The following SLC24A3 variants were observed in gnomAD, a reference collection of about 807,000 sequenced individuals.
SLC24A3 encodes sodium/potassium/calcium exchanger 3.
A neutral mutation model predicts 75.8 loss-of-function variants in SLC24A3; 28 were observed. That is an observed-to-expected ratio of 0.37 (90% confidence interval 0.27 to 0.51). The LOEUF is 0.51. Ranked by LOEUF, SLC24A3 falls within the 20% of genes least tolerant of loss-of-function variation. The pLI, the probability that SLC24A3 is intolerant of heterozygous loss-of-function variation, is 0.94. For missense variants in SLC24A3, 663 were observed against 847.8 expected (o/e 0.78, Z 2.71); for synonymous variants, 372 against 334.1 (o/e 1.11, Z -1.24).
chr20:19,299,679 C>G (rs1208063207), intron 2 of SLC24A3, among the ~76,000 whole-genome samples: 1 of 152,154 alleles, frequency 6.6e-6, no homozygotes, highest in Non-Finnish European at 1.5e-5. Context: ...GAGGAGACTC[C>G]ATTTGAGTCC....
At chr20:19,332,839 C>T (rs1170633777) in intron 2 of SLC24A3, among the ~76,000 whole-genome samples, 1 of 152,212 alleles carries the variant, frequency 6.6e-6, no homozygotes, top group African/African-American at 2.4e-5. Flanking sequence ...GTTCTCTTCT[C>T]TGCCTCTATC....
chr20:19,449,595 A>T lies in SLC24A3; in HGVS notation c.272-65893A>T, dbSNP rs530415308. On this transcript the variant is annotated intron_variant, in intron 2 of 16. Coordinates refer to ENST00000328041, the MANE Select transcript of SLC24A3 (RefSeq NM_020689.4). ...TATGGCTCTTGAGCTAGGGTCCTCCATCTTTTCCTCTCTTTGAGCTTGAAC... is the reference window on the plus strand; with the variant it reads ...TATGGCTCTTGAGCTAGGGTCCTCCTTCTTTTCCTCTCTTTGAGCTTGAAC... 3.3e-5 allele frequency among the ~76,000 whole-genome samples: 5 copies of T among 152,332 alleles called. No homozygotes were observed. The South Asian group carries it at 6.2e-4, about 19-fold the overall frequency.
intron 6 of SLC24A3, among the ~76,000 whole-genome samples, chr20:19,623,662 C>T (rs1328455479): frequency 6.6e-6 from 1 of 152,152 alleles, no homozygotes; most frequent in Admixed American, 6.5e-5. Context: ...TTAGTGGCTA[C>T]CATATTGGAC....
chr20:19,477,166 A>C (rs575923594), intron 2 of SLC24A3, among the ~76,000 whole-genome samples: 1 of 152,094 alleles, frequency 6.6e-6, no homozygotes, highest in Non-Finnish European at 1.5e-5. Context: ...TAATGGATCC[A>C]GCAGGTGGAA....
At chr20:19,540,288 C>G (rs2030472680) in intron 3 of SLC24A3, among the ~76,000 whole-genome samples, 1 of 152,136 alleles carries the variant, frequency 6.6e-6, no homozygotes, top group African/African-American at 2.4e-5. Flanking sequence ...GACTCCAGAA[C>G]TTGTGTTCTG....
Position 19,684,286 on chromosome 20 carries a change from T to C in SLC24A3, c.1012T>C (p.Phe338Leu), listed in dbSNP as rs1449992723. The part of the protein sequence containing the change: ...AGLRIMITSH[F>L]PPKTRLSMAS... ...CCTTCGAATCATGATAACCAGCCAC[T>C]TTCCCCCCAAGACCCGGCTCTCCAT... The change falls in exon 11 of 17, where the codon TTT (phenylalanine) becomes CTT (leucine). Residue 338 changes from phenylalanine (F) to leucine (L), a missense_variant. By Grantham distance (22) the Phe-to-Leu change is conservative. Coordinates refer to ENST00000328041, the MANE Select transcript of SLC24A3 (RefSeq NM_020689.4). The C allele has an allele frequency of 6.2e-7, 1 of 1,613,976 alleles. No individual in the cohort carries two copies. The highest frequency in any genetic ancestry group is 8.5e-7 in the Non-Finnish European group (1 of 1,180,032).
At chr20:19,391,352 G>A (rs1348067384) in intron 2 of SLC24A3, among the ~76,000 whole-genome samples, 3 of 152,198 alleles carry the variant, frequency 2.0e-5, no homozygotes, top group Non-Finnish European at 4.4e-5. Context: ...GTCCCTGAGT[G>A]TGAGTCTAGA....
chr20:19,298,309 C>A (rs1221756968), intron 2 of SLC24A3, among the ~76,000 whole-genome samples: 1 of 152,236 alleles, frequency 6.6e-6, no homozygotes, highest in East Asian at 1.9e-4. Context: ...CAGAACACTT[C>A]ATTGGTGTGG....
chr20:19,656,763 A>G (rs1419293962), intron 7 of SLC24A3, among the ~76,000 whole-genome samples: 1 of 152,232 alleles, frequency 6.6e-6, no homozygotes, highest in Non-Finnish European at 1.5e-5. Flanking sequence ...CTGGGAGCAC[A>G]GACTTAACCA....
In SLC24A3 at chr20:19,409,849, A is replaced by G. The variant is rs374845375; in HGVS notation, c.272-105639A>G. ...ATATATAATATGTGTGTGTGTGTGT[A>G]TATATATATATATATATGTATTCAA... On this transcript the variant is annotated intron_variant, in intron 2 of 16. Coordinates refer to ENST00000328041, the MANE Select transcript of SLC24A3 (RefSeq NM_020689.4). 4.6e-3 allele frequency among the ~76,000 whole-genome samples: 651 copies of G among 141,214 alleles called. 2 individuals are homozygous for G. Among genetic ancestry groups the G allele is most frequent in the African/African-American group, 0.01 (356 of 34,626 alleles). The allele number at this position is 141,214 out of a possible 152,430, so 92.6% of individuals were successfully genotyped here. A position where few individuals can be genotyped will look rare whatever the true frequency, so the allele number is the denominator to read the frequency against.
chr20:19,221,368 C>T (rs914108957), intron 1 of SLC24A3, among the ~76,000 whole-genome samples: 6 of 152,196 alleles, frequency 3.9e-5, no homozygotes, highest in Admixed American at 3.9e-4. Context: ...TTCCCATTGC[C>T]CTTCAGCTTC....
intron 5 of SLC24A3, 27 bp from the exon 6 acceptor site, chr20:19,585,414 C>T (rs746438208): frequency 2.5e-6 from 4 of 1,608,542 alleles, no homozygotes; most frequent in African/African-American, 1.3e-5. Flanking sequence ...CCACAACAGC[C>T]AGGCTGATGT....
At chr20:19,418,604 C>CA (rs1442126382) in intron 2 of SLC24A3, among the ~76,000 whole-genome samples, 7 of 151,730 alleles carry the variant, frequency 4.6e-5, no homozygotes, top group African/African-American at 1.7e-4. Flanking sequence ...ATATCCAGCT[C>CA]ATAAATATGA....
intron 3 of SLC24A3, among the ~76,000 whole-genome samples, chr20:19,533,327 G>A (rs1357161496): frequency 6.6e-6 from 1 of 152,224 alleles, no homozygotes; most frequent in Non-Finnish European, 1.5e-5. Flanking sequence ...GAATCTCCAA[G>A]AGGCAGAAAG....
chr20:19,292,397 CA>C (rs1167163551), intron 2 of SLC24A3, among the ~76,000 whole-genome samples: 3 of 152,168 alleles, frequency 2.0e-5, no homozygotes, highest in Non-Finnish European at 4.4e-5. Context: ...ATGAATTTGA[CA>C]GGCACTAATA....
At chr20:19,285,477 CA>C (rs35866612) in intron 2 of SLC24A3, among the ~76,000 whole-genome samples, 1,520 of 42,970 alleles carry the variant, frequency 0.035, 11 homozygotes, top group African/African-American at 0.072. Context: ...GACCCTGTCT[CA>C]AAAAAAAAAA....
At chr20:19,642,103 A>G (rs1304329541) in intron 6 of SLC24A3, among the ~76,000 whole-genome samples, 5 of 152,262 alleles carry the variant, frequency 3.3e-5, no homozygotes, top group Non-Finnish European at 7.3e-5. Context: ...AGTGCTGAGC[A>G]CAGTGTTTGA....
At chr20:19,493,633 G>A (rs1326957036) in intron 2 of SLC24A3, among the ~76,000 whole-genome samples, 5 of 152,210 alleles carry the variant, frequency 3.3e-5, no homozygotes, top group Non-Finnish European at 7.3e-5. Context: ...GGGTGGGTAA[G>A]AGGAGAGAAT....
chr20:19,284,226 G>A (rs1813757619), intron 2 of SLC24A3: 1 of 152,746 alleles, frequency 6.5e-6, no homozygotes, highest in South Asian at 2.1e-4. Flanking sequence ...GCACCCATAA[G>A]GTCCTGATTT....
Sources: gnomAD v4.1 joint callset for allele counts (sites outside exome capture counted in the v4.1 genomes callset) on GRCh38, gnomAD v4.1.1 for gene constraint, MANE v1.5 for transcripts, NCBI Gene and HGNC (gene_info 2026-07-23, HGNC 2026-07-21) for gene names.